The following GLCCI1 variants were observed in gnomAD, a reference collection of about 807,000 sequenced individuals.
GLCCI1 encodes the protein glucocorticoid-induced transcript 1 protein.
A neutral mutation model predicts 52.2 loss-of-function variants in GLCCI1; 24 were observed. The ratio of observed to expected loss-of-function variants is 0.46; its 90% confidence interval spans 0.33 to 0.65. The LOEUF is 0.65. Ranked by LOEUF, GLCCI1 falls within the 30% of genes least tolerant of loss-of-function variation. GLCCI1 has a pLI of 0.02. For synonymous variants in GLCCI1, 310 were observed against 276.5 expected, an observed-to-expected ratio of 1.12 and a Z score of -1.20; for missense variants, 704 against 701.5, an observed-to-expected ratio of 1.00 and a Z score of -0.04.
At chr7:8,078,014 A>G (rs144826332) in intron 6 of GLCCI1, among the ~76,000 whole-genome samples, 3 of 151,726 alleles carry the variant, frequency 2.0e-5, no homozygotes, top group Non-Finnish European at 4.4e-5. Context: ...GCAGGCGGAT[A>G]ACGAGGTCAG....
chr7:7,997,833 A>G (rs1456353378), intron 1 of GLCCI1, among the ~76,000 whole-genome samples: 1 of 152,060 alleles, frequency 6.6e-6, no homozygotes, highest in East Asian at 1.9e-4. Flanking sequence ...AGCCTGAGAC[A>G]TGAGAATTAC....
chr7:8,074,500 A>G (rs930842063), intron 6 of GLCCI1, among the ~76,000 whole-genome samples: 1 of 152,170 alleles, frequency 6.6e-6, no homozygotes, highest in African/African-American at 2.4e-5. Flanking sequence ...CCTGGCCAAC[A>G]TAGTGAAACC....
intron 1 of GLCCI1, among the ~76,000 whole-genome samples, chr7:7,998,829 T>G (rs1780996501): frequency 6.6e-6 from 1 of 152,192 alleles, no homozygotes; most frequent in South Asian, 2.1e-4. Context: ...CAGCAGGATA[T>G]TTTCTAGAGT....
chr7:8,072,251 C>G (rs1782778965), intron 6 of GLCCI1, among the ~76,000 whole-genome samples: 1 of 152,120 alleles, frequency 6.6e-6, no homozygotes, highest in African/African-American at 2.4e-5. Flanking sequence ...TTCTTTGTGT[C>G]TGACTTCTTT....
intron 3 of GLCCI1, among the ~76,000 whole-genome samples, chr7:8,030,676 G>A (rs1463903792): frequency 5.3e-5 from 8 of 152,116 alleles, no homozygotes; most frequent in East Asian, 1.9e-4. Context: ...GGAGCTCAAA[G>A]AACTCCATAT....
intron 1 of GLCCI1, among the ~76,000 whole-genome samples, chr7:7,986,793 T>G (rs1366175912): frequency 6.6e-6 from 1 of 152,204 alleles, no homozygotes; most frequent in Non-Finnish European, 1.5e-5. Context: ...TAAGAGATAT[T>G]CAGACCTAGA....
At chr7:7,983,101 T>C (rs1244035431) in intron 1 of GLCCI1, among the ~76,000 whole-genome samples, 2 of 152,322 alleles carry the variant, frequency 1.3e-5, no homozygotes, top group Admixed American at 6.5e-5. Flanking sequence ...GTACGTGTTG[T>C]AGTTAACTTC....
intron 1 of GLCCI1, among the ~76,000 whole-genome samples, chr7:7,998,186 TTTTTTG>T (rs1415715748): frequency 1.9e-5 from 2 of 106,308 alleles, no homozygotes; most frequent in African/African-American, 3.6e-5. Flanking sequence ...GTTTTTTTTT[TTTTTTG>T]TTGTTGTTGT....
intron 2 of GLCCI1, among the ~76,000 whole-genome samples, chr7:8,013,991 C>CT (rs561039125): frequency 0.62 from 82,266 of 133,180 alleles, 26,060 homozygotes; most frequent in African/African-American, 0.75. Flanking sequence ...AAGGCCTTGA[C>CT]TTTTTTTTTT....
At chr7:8,016,207 C>A (rs542232700) in intron 2 of GLCCI1, among the ~76,000 whole-genome samples, 1 of 152,220 alleles carries the variant, frequency 6.6e-6, no homozygotes, top group Non-Finnish European at 1.5e-5. Flanking sequence ...CGGTGGCTTA[C>A]GCCTGTAATC....
intron 2 of GLCCI1, 34 bp downstream of exon 2, chr7:8,004,093 C>G (rs1583963356): frequency 6.3e-7 from 1 of 1,575,970 alleles, no homozygotes; most frequent in Non-Finnish European, 8.7e-7. Flanking sequence ...GCTTATTACC[C>G]TGCACTTCTT....
chr7:7,977,105 T>C (rs1174242772), intron 1 of GLCCI1, among the ~76,000 whole-genome samples: 1 of 152,212 alleles, frequency 6.6e-6, no homozygotes, highest in African/African-American at 2.4e-5. Flanking sequence ...ATAGTCCGTA[T>C]AGCTAATTTT....
At chr7:7,974,839 C>T (rs1309936299) in intron 1 of GLCCI1, among the ~76,000 whole-genome samples, 3 of 152,146 alleles carry the variant, frequency 2.0e-5, no homozygotes, top group African/African-American at 7.2e-5. Context: ...GACTTTCTGG[C>T]AGCCCCTGTC....
At position 8,070,932 on chromosome 7, in the gene GLCCI1, A is replaced by G. The variant is rs771966832; in HGVS notation, c.978A>G (p.Ile326Met). The change falls in exon 6 of 8, where the codon ATA becomes ATG. Residue 326 changes from isoleucine to methionine, a missense_variant. Physicochemically the swap from Ile to Met is conservative, Grantham distance 10 (BLOSUM62 1). Transcript: ENST00000223145. ...TATTCCTCTTACAGCCGTTGGACAT[A>G]CCAGATGGTCGAAGAGCTCCACTTC... ...GKEEVSKPLD[I>M]PDGRRAPLPA... 6.2e-7 allele frequency: 1 copy of G among 1,613,994 alleles called. No homozygotes were observed. The highest frequency in any genetic ancestry group is 1.1e-5 in the South Asian group (1 of 91,070).
At chr7:8,000,387 AC>A (rs1201841717) in intron 1 of GLCCI1, among the ~76,000 whole-genome samples, 20 of 152,182 alleles carry the variant, frequency 1.3e-4, no homozygotes, top group African/African-American at 1.9e-4. Context: ...CTTCAGAGTT[AC>A]CTATGATGTG....
intron 3 of GLCCI1, among the ~76,000 whole-genome samples, chr7:8,038,371 A>T (rs1212499068): frequency 6.6e-6 from 1 of 152,202 alleles, no homozygotes; most frequent in East Asian, 1.9e-4. Flanking sequence ...TTCAAATTAT[A>T]CTACAAGGCT....
chr7:8,077,131 C>A (rs568419339), intron 6 of GLCCI1, among the ~76,000 whole-genome samples: 6 of 152,274 alleles, frequency 3.9e-5, no homozygotes, highest in Non-Finnish European at 8.8e-5. Context: ...CCCCTTCTTG[C>A]TGTTGGTCAT....
Position 8,080,375 on chromosome 7 carries a change from G to A in GLCCI1, c.1178-4522G>A, listed in dbSNP as rs1180410069. Among the ~76,000 whole-genome samples, 8 of 151,522 alleles carry A rather than the reference G, an allele frequency of 5.3e-5. 2 individuals are homozygous for A. The highest frequency in any genetic ancestry group is 2.0e-4 in the African/African-American group (8 of 40,816). On this transcript the variant is annotated intron_variant, in intron 6 of 7. Transcript: ENST00000223145. ...CTTTCCTAGTCAGTTAACTACCTGG[G>A]AAAGATAGAATAAGAATTACATTCT... is the stretch of plus-strand genomic sequence containing the variant.
At chr7:8,012,655 C>G (rs1781291936) in intron 2 of GLCCI1, among the ~76,000 whole-genome samples, 1 of 151,742 alleles carries the variant, frequency 6.6e-6, no homozygotes, top group Non-Finnish European at 1.5e-5. Context: ...CCGTGTTAGC[C>G]AGGATGGTCT....
Sources: allele counts gnomAD v4.1 joint callset (sites outside exome capture counted in the v4.1 genomes callset), GRCh38; gene constraint gnomAD v4.1.1; transcripts MANE v1.5; gene names NCBI Gene and HGNC (gene_info 2026-07-23, HGNC 2026-07-21).